RTL4: variants seen among roughly 807,000 people sequenced by gnomAD.
The protein encoded by RTL4 is retrotransposon Gag-like protein 4.
In RTL4, 4 loss-of-function variants were observed where a neutral mutation model predicts 5.3. The ratio of observed to expected loss-of-function variants is 0.75; its 90% CI spans 0.37 to 1.72. The LOEUF is 1.72. RTL4 is among the 40% of genes most tolerant of loss of function. The pLI is 0.04. For missense variants in RTL4, 260 were observed against 227.1 expected, an observed-to-expected ratio of 1.14 and a Z score of -0.93; for synonymous variants, 98 against 87.3, an observed-to-expected ratio of 1.12 and a Z score of -0.68.
chrX:112,389,814 G>A, the RTL4 span, among the ~76,000 whole-genome samples: 3 of 108,029 alleles, frequency 2.8e-5, no homozygotes, highest in African/African-American at 1.0e-4. Flanking sequence ...ATTCTTTTAT[G>A]TCCAATTATG....
At chrX:112,291,658 A>G in the RTL4 span, among the ~76,000 whole-genome samples, 2 of 108,874 alleles carry the variant, frequency 1.8e-5, no homozygotes, top group East Asian at 5.8e-4. Context: ...GTGCAGTGGC[A>G]CCATCTCCAC....
At chrX:112,083,119 T>C in the RTL4 span, among the ~76,000 whole-genome samples, 1 of 111,157 alleles carries the variant, frequency 9.0e-6, no homozygotes, top group Non-Finnish European at 1.9e-5. Flanking sequence ...CCCCCCTCGG[T>C]ACGGAATTTT....
the RTL4 span, among the ~76,000 whole-genome samples, chrX:112,183,085 A>C: frequency 8.9e-6 from 1 of 112,335 alleles, no homozygotes; most frequent in Non-Finnish European, 1.9e-5. Flanking sequence ...CGAAGGAGAA[A>C]TAAAATCCTT....
the RTL4 span, among the ~76,000 whole-genome samples, chrX:112,115,194 G>A: frequency 5.4e-5 from 6 of 111,155 alleles, no homozygotes; most frequent in Admixed American, 9.6e-5. Flanking sequence ...CACTGACACA[G>A]CAGCAGAAAC....
the RTL4 span, among the ~76,000 whole-genome samples, chrX:112,423,620 C>A: frequency 1.1e-4 from 12 of 111,221 alleles, no homozygotes; most frequent in East Asian, 2.6e-3. Flanking sequence ...CTGTACTCAA[C>A]ATTTTGTGCT....
chrX:112,356,017 G>A, the RTL4 span, among the ~76,000 whole-genome samples: 2 of 111,543 alleles, frequency 1.8e-5, no homozygotes, highest in African/African-American at 6.5e-5. Context: ...ACAACTAGCT[G>A]GGAAGGTGCC....
the RTL4 span, among the ~76,000 whole-genome samples, chrX:112,391,573 G>A: frequency 9.2e-6 from 1 of 108,843 alleles, no homozygotes; most frequent in Non-Finnish European, 1.9e-5. Flanking sequence ...TCAGAGGTGA[G>A]TGTGTTAGTG....
At chrX:112,421,701 C>G in the RTL4 span, among the ~76,000 whole-genome samples, 1 of 112,061 alleles carries the variant, frequency 8.9e-6, no homozygotes, top group Non-Finnish European at 1.9e-5. Flanking sequence ...TTCTTGAGCA[C>G]ACACCATCAT....
At chrX:112,368,329 T>C in the RTL4 span, among the ~76,000 whole-genome samples, 1 of 111,501 alleles carries the variant, frequency 9.0e-6, no homozygotes, top group African/African-American at 3.3e-5. Flanking sequence ...GAAAAAAGAA[T>C]CAGAGATAAT....
chrX:112,311,428 AG>A, the RTL4 span, among the ~76,000 whole-genome samples: 2 of 110,717 alleles, frequency 1.8e-5, no homozygotes, highest in Non-Finnish European at 3.8e-5. Flanking sequence ...GGATCCTAAC[AG>A]GTTTCATTTC....
At chrX:112,230,235 C>A in the RTL4 span, among the ~76,000 whole-genome samples, 1 of 112,517 alleles carries the variant, frequency 8.9e-6, no homozygotes, top group Non-Finnish European at 1.9e-5. Flanking sequence ...ATGGTGGGCG[C>A]CCCTTCCGCA....
At chrX:112,328,333 C>CA in the RTL4 span, among the ~76,000 whole-genome samples, 6 of 109,038 alleles carry the variant, frequency 5.5e-5, no homozygotes, top group African/African-American at 1.3e-4. Flanking sequence ...AAATGGAAAA[C>CA]AAAAAAAAGG....
the RTL4 span, among the ~76,000 whole-genome samples, chrX:112,305,897 C>A: frequency 1.8e-5 from 2 of 111,464 alleles, no homozygotes; most frequent in African/African-American, 6.5e-5. Flanking sequence ...GACTTGCTGC[C>A]TTGCTTCAAT....
At chrX:112,432,080 A>G in the RTL4 span, among the ~76,000 whole-genome samples, 10 of 105,921 alleles carry the variant, frequency 9.4e-5, no homozygotes, top group African/African-American at 3.1e-4. Context: ...TTATGGCTGC[A>G]TAGTATTCCA....
chrX:112,325,532 C>G, the RTL4 span, among the ~76,000 whole-genome samples: 6,322 of 111,432 alleles, frequency 0.057, 312 homozygotes, highest in African/African-American at 0.16. Context: ...ACAAACCTGA[C>G]AAAAACAAGA....
the RTL4 span, among the ~76,000 whole-genome samples, chrX:112,161,834 TTC>T: frequency 0.012 from 524 of 44,488 alleles, 5 homozygotes; most frequent in South Asian, 0.019. Flanking sequence ...CCTTCCTTCC[TTC>T]CTTCCTTCCT....
the RTL4 span, among the ~76,000 whole-genome samples, chrX:112,413,141 A>G: frequency 3.6e-5 from 4 of 112,330 alleles, no homozygotes; most frequent in African/African-American, 1.3e-4. Context: ...AATGCAAATC[A>G]AAACTATGAT....
At chrX:112,234,825 T>G in the RTL4 span, among the ~76,000 whole-genome samples, 29,121 of 111,395 alleles carry the variant, frequency 0.26, 3,823 homozygotes, top group African/African-American at 0.52. Flanking sequence ...CACTGTCAAA[T>G]AATTTCATTA....
At chrX:112,381,968 T>G in the RTL4 span, 1 of 1,207,636 alleles carries the variant, frequency 8.3e-7, no homozygotes, top group Non-Finnish European at 1.1e-6. Context: ...TGAATACTCC[T>G]CTGGCATCAA....
Sources: allele counts gnomAD v4.1 joint callset (sites outside exome capture counted in the v4.1 genomes callset), GRCh38; gene constraint gnomAD v4.1.1; transcripts MANE v1.5; gene names NCBI Gene and HGNC (gene_info 2026-07-23, HGNC 2026-07-21).